Variants in RIMS2 observed in about 807,000 individuals in gnomAD.
The protein encoded by RIMS2 is regulating synaptic membrane exocytosis protein 2.
Under a neutral mutation model 174.4 loss-of-function variants are expected in RIMS2, and 59 were observed. That is an observed-to-expected ratio of 0.34 (90% CI 0.27 to 0.42). RIMS2 has a LOEUF of 0.42. RIMS2 is among the 10% of genes least tolerant of loss of function. The pLI, the probability that RIMS2 is intolerant of heterozygous loss-of-function variation, is 1.00. For missense variants in RIMS2, 1,620 were observed against 1,666.3 expected (o/e 0.97, Z 0.48); for synonymous variants, 606 against 572.5 (o/e 1.06, Z -0.84).
At chr8:103,870,103 T>C (rs1431227287) in intron 3 of RIMS2, among the ~76,000 whole-genome samples, 2 of 151,274 alleles carry the variant, frequency 1.3e-5, no homozygotes, top group African/African-American at 2.4e-5. Flanking sequence ...AGCAACTAGG[T>C]CAGCTAACAG....
At chr8:103,543,257 A>G (rs942397732) in intron 1 of RIMS2, among the ~76,000 whole-genome samples, 1 of 152,182 alleles carries the variant, frequency 6.6e-6, no homozygotes, top group African/African-American at 2.4e-5. Flanking sequence ...TCAAGAAAAT[A>G]TCCTGTTTAC....
chr8:103,899,086 G>A lies in RIMS2; in HGVS notation c.1625-11048G>A, dbSNP rs192768041. Among the ~76,000 whole-genome samples, 736 of 151,838 alleles carry A rather than the reference G, an allele frequency of 4.8e-3. 33 individuals are homozygous for A. Among genetic ancestry groups the A allele is most frequent in the African/African-American group, 0.017 (712 of 41,126 alleles). ...TTATGGCTGCATAGTATTCCATGGT[G>A]TATATGTGCCACATTTTCTTAAACC... On this transcript the variant is annotated intron_variant, in intron 4 of 23. Coordinates refer to ENST00000504942, the Ensembl canonical transcript of RIMS2.
intron 3 of RIMS2, among the ~76,000 whole-genome samples, chr8:103,783,179 T>C (rs2098407575): frequency 6.6e-6 from 1 of 152,198 alleles, no homozygotes; most frequent in Non-Finnish European, 1.5e-5. Context: ...GCCTTGCACT[T>C]GTATGACATG....
intron 1 of RIMS2, among the ~76,000 whole-genome samples, chr8:103,553,158 G>T (rs1466434945): frequency 6.6e-6 from 1 of 152,008 alleles, no homozygotes; most frequent in East Asian, 1.9e-4. Flanking sequence ...TGTGTTTATT[G>T]TGGCACTATT....
chr8:104,070,657 G>T (rs2154561580), intron 19 of RIMS2, among the ~76,000 whole-genome samples: 1 of 152,150 alleles, frequency 6.6e-6, no homozygotes, highest in East Asian at 1.9e-4. Context: ...AAAGCATAAA[G>T]TCCTGATAAA....
intron 16 of RIMS2, among the ~76,000 whole-genome samples, chr8:103,985,497 AAAAAAAG>A (rs1207882619): frequency 1.3e-5 from 2 of 150,438 alleles, no homozygotes; most frequent in African/African-American, 4.9e-5. Context: ...AAAAAAAAAA[AAAAAAAG>A]AGTATAATTG....
At chr8:103,811,916 G>A (rs1258006768) in intron 3 of RIMS2, among the ~76,000 whole-genome samples, 1 of 152,182 alleles carries the variant, frequency 6.6e-6, no homozygotes, top group African/African-American at 2.4e-5. Flanking sequence ...CACAATTATG[G>A]TGTGGCTTCA....
chr8:103,662,219 T>C (rs554786270), intron 1 of RIMS2, among the ~76,000 whole-genome samples: 23 of 152,338 alleles, frequency 1.5e-4, no homozygotes, highest in African/African-American at 5.5e-4. Context: ...AAGCTTCATA[T>C]AGACAGAAGA....
chr8:104,159,164 A>G (rs1323101560), intron 19 of RIMS2, among the ~76,000 whole-genome samples: 2 of 152,068 alleles, frequency 1.3e-5, no homozygotes, highest in African/African-American at 4.8e-5. Context: ...TCCTTTCCCC[A>G]TTGCTTGTTT....
At chr8:103,736,940 G>A (rs548968625) in intron 2 of RIMS2, among the ~76,000 whole-genome samples, 4 of 152,030 alleles carry the variant, frequency 2.6e-5, no homozygotes, top group Non-Finnish European at 5.9e-5. Flanking sequence ...TTTATCTGTA[G>A]TATCAAATGA....
rs576604715 is a variant in RIMS2 at position 103,884,680 on chromosome 8, A to C, written c.699-618A>C. Among the ~76,000 whole-genome samples the C allele has an allele frequency of 2.0e-5, 3 of 152,044 alleles. No homozygotes were observed. In the South Asian group the frequency reaches 6.2e-4, roughly 31 times the overall value. ...ATTTCTAGGATTTTTGTAATGAATA[A>C]ATCATTATTATTTGTCTATTTTTAT... is the stretch of plus-strand genomic sequence containing the variant. On this transcript the variant is annotated intron_variant, in intron 3 of 23. Coordinates refer to ENST00000504942, the Ensembl canonical transcript of RIMS2.
chr8:104,188,349 T>A (rs2098980524), intron 19 of RIMS2, among the ~76,000 whole-genome samples: 1 of 151,852 alleles, frequency 6.6e-6, no homozygotes, highest in African/African-American at 2.4e-5. Flanking sequence ...AGCTTAAAAA[T>A]TTCTCAGTAT....
chr8:103,961,106 T>C (rs2089890482), exon 15 of RIMS2: 1 of 1,505,338 alleles, frequency 6.6e-7, no homozygotes. Flanking sequence ...TGACTATGAC[T>C]GTGATGATGG....
At chr8:104,162,243 T>C (rs915494006) in intron 19 of RIMS2, among the ~76,000 whole-genome samples, 2 of 152,176 alleles carry the variant, frequency 1.3e-5, no homozygotes, top group Non-Finnish European at 2.9e-5. Flanking sequence ...ATTTTTGAAG[T>C]TATTATATGC....
chr8:103,636,780 A>ACCCC (rs1564110891), intron 1 of RIMS2, among the ~76,000 whole-genome samples: 121 of 56,470 alleles, frequency 2.1e-3, no homozygotes, highest in Non-Finnish European at 2.8e-3. Context: ...TCTATAACCC[A>ACCCC]CCCCCGCACC....
At chr8:103,885,623 T>C (rs774284988) in exon 4 of RIMS2, 1 of 1,613,086 alleles carries the variant, frequency 6.2e-7, no homozygotes. Context: ...TTTGGCCCGT[T>C]ATCCAGTAAA....
At chr8:103,656,480 G>C (rs760515125) in intron 1 of RIMS2, among the ~76,000 whole-genome samples, 16 of 152,046 alleles carry the variant, frequency 1.1e-4, no homozygotes, top group Non-Finnish European at 2.1e-4. Context: ...TACCTATCCT[G>C]GGTCCTGAGA....
At chr8:104,138,084 G>A (rs113645129) in intron 19 of RIMS2, among the ~76,000 whole-genome samples, 3,473 of 152,132 alleles carry the variant, frequency 0.023, 132 homozygotes, top group African/African-American at 0.079. Flanking sequence ...TTAACATAAC[G>A]TCCTCCAGTT....
At chr8:103,585,215 C>T (rs746072256) in intron 1 of RIMS2, among the ~76,000 whole-genome samples, 3 of 151,922 alleles carry the variant, frequency 2.0e-5, no homozygotes, top group Admixed American at 6.6e-5. Context: ...GTCAGAATGG[C>T]GATTATTAAA....
Sources: allele counts gnomAD v4.1 joint callset (sites outside exome capture counted in the v4.1 genomes callset), GRCh38; gene constraint gnomAD v4.1.1; transcripts MANE v1.5; gene names NCBI Gene and HGNC (gene_info 2026-07-23, HGNC 2026-07-21).